C8orf34: variants seen among roughly 807,000 people sequenced by gnomAD.
The protein encoded by C8orf34 is uncharacterized protein C8orf34.
C8orf34 carries 65 observed loss-of-function variants against 68.3 expected under a neutral mutation model. That is an observed-to-expected ratio of 0.95 (90% CI 0.78 to 1.17). C8orf34 has a LOEUF of 1.17. Ranked by LOEUF, C8orf34 falls within the 50% of genes most tolerant of loss-of-function variation. C8orf34 has a pLI of 0.00. For synonymous variants in C8orf34, 244 were observed against 241.2 expected (o/e 1.01, Z -0.11); for missense variants, 664 against 655.4 (o/e 1.01, Z -0.14).
At chr8:68,733,687 T>C (rs141632844) in intron 10 of C8orf34, among the ~76,000 whole-genome samples, 256 of 152,300 alleles carry the variant, frequency 1.7e-3, no homozygotes, top group African/African-American at 5.8e-3. Flanking sequence ...AGTTTGCTTA[T>C]ACAGAAAGTA....
At position 68,651,353 on chromosome 8, in the gene C8orf34, T is replaced by C. The variant is rs115999678; in HGVS notation, c.1241+10842T>C. Among the ~76,000 whole-genome samples, 226 of 152,338 alleles carry C rather than the reference T, an allele frequency of 1.5e-3. 1 individual carries two copies. The highest frequency in any genetic ancestry group is 5.2e-3 in the African/African-American group (216 of 41,574). ...ACTAGTCCACTGGGTTTCCAGTTCA[T>C]ACCAGCAGACCTGAGGATATATTTT... On this transcript the variant is annotated intron_variant, in intron 8 of 13. Coordinates refer to ENST00000518698, the MANE Select transcript of C8orf34 (RefSeq NM_052958.4).
At chr8:68,507,353 TTTTG>T (rs987436645) in intron 5 of C8orf34, among the ~76,000 whole-genome samples, 7 of 152,234 alleles carry the variant, frequency 4.6e-5, no homozygotes, top group South Asian at 4.1e-4. Context: ...AAAGACAGTT[TTTTG>T]TTTGTTTGTT....
At chr8:68,672,695 C>T (rs903707550) in intron 8 of C8orf34, among the ~76,000 whole-genome samples, 3 of 152,164 alleles carry the variant, frequency 2.0e-5, no homozygotes, top group African/African-American at 7.2e-5. Flanking sequence ...GTCTAGGCTA[C>T]AAGAATGACA....
intron 1 of C8orf34, among the ~76,000 whole-genome samples, chr8:68,436,992 A>G (rs1422674885): frequency 6.6e-6 from 1 of 152,226 alleles, no homozygotes; most frequent in Non-Finnish European, 1.5e-5. Context: ...AGTGAGAAGC[A>G]GGGTAATTAC....
At chr8:68,469,303 T>C (rs1053272530) in intron 4 of C8orf34, among the ~76,000 whole-genome samples, 1 of 151,996 alleles carries the variant, frequency 6.6e-6, no homozygotes, top group African/African-American at 2.4e-5. Context: ...AACATCTCTG[T>C]AATCTGAGGG....
intron 1 of C8orf34, among the ~76,000 whole-genome samples, chr8:68,435,037 G>A (rs192435683): frequency 7.6e-5 from 11 of 145,022 alleles, no homozygotes; most frequent in African/African-American, 1.5e-4. Flanking sequence ...GTGACAGAGC[G>A]AGACTCCATC....
chr8:68,673,943 CTTTG>C (rs917485952), intron 8 of C8orf34, among the ~76,000 whole-genome samples: 2 of 152,282 alleles, frequency 1.3e-5, no homozygotes, highest in Non-Finnish European at 2.9e-5. Flanking sequence ...CAGCAAGCGA[CTTTG>C]TTTGTTTGGG....
At chr8:68,621,975 A>G (rs1818401874) in intron 7 of C8orf34, among the ~76,000 whole-genome samples, 2 of 152,300 alleles carry the variant, frequency 1.3e-5, no homozygotes, top group Admixed American at 1.3e-4. Context: ...GCCATCTCAC[A>G]TGGTTGTGAT....
chr8:68,678,710 G>A (rs1820268474), intron 8 of C8orf34, among the ~76,000 whole-genome samples: 1 of 152,018 alleles, frequency 6.6e-6, no homozygotes, highest in South Asian at 2.1e-4. Flanking sequence ...TTTCACCACT[G>A]TTATTCAACA....
At chr8:68,556,294 CTT>C (rs201095460) in intron 7 of C8orf34, among the ~76,000 whole-genome samples, 14,115 of 105,742 alleles carry the variant, frequency 0.13, 892 homozygotes, top group African/African-American at 0.25. Context: ...AGGAGGGAAT[CTT>C]TTTTTTTTTT....
intron 7 of C8orf34, among the ~76,000 whole-genome samples, chr8:68,631,431 A>T (rs1818687679): frequency 6.6e-6 from 1 of 152,126 alleles, no homozygotes. Context: ...TGAAACACAG[A>T]ATTGATATGT....
intron 12 of C8orf34, among the ~76,000 whole-genome samples, chr8:68,806,132 C>A (rs1224367382): frequency 2.0e-5 from 3 of 151,904 alleles, no homozygotes; most frequent in Non-Finnish European, 4.4e-5. Flanking sequence ...TCTCTTCATC[C>A]CGAATTTTAT....
intron 4 of C8orf34, among the ~76,000 whole-genome samples, chr8:68,476,503 A>C (rs1812623371): frequency 6.6e-6 from 1 of 152,208 alleles, no homozygotes; most frequent in Non-Finnish European, 1.5e-5. Context: ...CAAAAGGATG[A>C]CTAAATAGTA....
intron 5 of C8orf34, among the ~76,000 whole-genome samples, chr8:68,495,067 G>A (rs932407831): frequency 1.3e-5 from 2 of 151,628 alleles, no homozygotes; most frequent in African/African-American, 4.8e-5. Context: ...CAATTCCCCC[G>A]GAGGTCTCAA....
chr8:68,464,587 G>C (rs1586193752), intron 3 of C8orf34, among the ~76,000 whole-genome samples: 1 of 152,042 alleles, frequency 6.6e-6, no homozygotes, highest in South Asian at 2.1e-4. Flanking sequence ...GCATGGTACT[G>C]GTACCAAAAC....
At chr8:68,665,908 A>C (rs779818996) in intron 8 of C8orf34, among the ~76,000 whole-genome samples, 4 of 152,178 alleles carry the variant, frequency 2.6e-5, no homozygotes, top group Admixed American at 6.5e-5. Flanking sequence ...TGTTTTGTTC[A>C]CTGCTATAAT....
At chr8:68,431,258 C>G (rs1810440196) in intron 1 of C8orf34, among the ~76,000 whole-genome samples, 1 of 152,136 alleles carries the variant, frequency 6.6e-6, no homozygotes, top group Admixed American at 6.5e-5. Flanking sequence ...TTCTGTCATT[C>G]TGAGCACCTC....
At chr8:68,817,013 C>G (rs1824840567) in intron 13 of C8orf34, among the ~76,000 whole-genome samples, 1 of 152,120 alleles carries the variant, frequency 6.6e-6, no homozygotes, top group Non-Finnish European at 1.5e-5. Context: ...TACAGGCATA[C>G]TGCTGTTCTG....
chr8:68,587,232 C>T (rs1345648463), intron 7 of C8orf34, among the ~76,000 whole-genome samples: 2 of 152,046 alleles, frequency 1.3e-5, no homozygotes, highest in East Asian at 3.9e-4. Context: ...GATGAAATGT[C>T]ATGTGTCAAA....
Sources: allele counts gnomAD v4.1 joint callset (sites outside exome capture counted in the v4.1 genomes callset), GRCh38; gene constraint gnomAD v4.1.1; transcripts MANE v1.5; gene names NCBI Gene and HGNC (gene_info 2026-07-23, HGNC 2026-07-21).